Variants in IMPG1 observed in about 807,000 individuals in gnomAD.
IMPG1 encodes the protein interphotoreceptor matrix proteoglycan of 150 kDa.
Under a neutral mutation model 92.0 loss-of-function variants are expected in IMPG1, and 85 were observed. That is an observed-to-expected ratio of 0.92 (90% confidence interval 0.78 to 1.11). The LOEUF is 1.11. Ranked by LOEUF, IMPG1 falls within the 50% of genes least tolerant of loss-of-function variation. The probability of loss-of-function intolerance (pLI) is 0.00; values close to 1 mark genes in which losing one functional copy is unlikely to be tolerated. For synonymous variants in IMPG1, 367 were observed against 334.1 expected (o/e 1.10, Z -1.08); for missense variants, 1,022 against 956.0 (o/e 1.07, Z -0.91).
chr6:76,039,523 T>G (rs1783798555), intron 2 of IMPG1, among the ~76,000 whole-genome samples: 1 of 152,064 alleles, frequency 6.6e-6, no homozygotes, highest in African/African-American at 2.4e-5. Flanking sequence ...GCCCAGCTAA[T>G]TTTTGTATTT....
intron 1 of IMPG1, among the ~76,000 whole-genome samples, chr6:76,051,657 G>A (rs1214386155): frequency 6.6e-6 from 1 of 152,120 alleles, no homozygotes; most frequent in Non-Finnish European, 1.5e-5. Flanking sequence ...AATGCATGGG[G>A]TGGATGTTAT....
intron 12 of IMPG1, among the ~76,000 whole-genome samples, chr6:75,963,760 C>A (rs1417195610): frequency 1.3e-5 from 2 of 152,164 alleles, no homozygotes; most frequent in Non-Finnish European, 2.9e-5. Flanking sequence ...AAAATAACAG[C>A]CCTCATTTCC....
At chr6:76,019,904 G>T (rs1016867717) in intron 6 of IMPG1, among the ~76,000 whole-genome samples, 1 of 152,090 alleles carries the variant, frequency 6.6e-6, no homozygotes, top group Non-Finnish European at 1.5e-5. Context: ...TGGGACAGAG[G>T]GGTTGTGAGA....
At chr6:76,011,095 G>A (rs1343207642) in intron 8 of IMPG1, 71 bp downstream of exon 8, 10 of 837,028 alleles carry the variant, frequency 1.2e-5, no homozygotes, top group Non-Finnish European at 2.0e-5. Context: ...TAATCCTTAT[G>A]GCATTGTTTT....
intron 14 of IMPG1, among the ~76,000 whole-genome samples, chr6:75,939,978 AC>A (rs1781811063): frequency 6.6e-6 from 1 of 152,134 alleles, no homozygotes; most frequent in African/African-American, 2.4e-5. Context: ...TGACCTTTGA[AC>A]TGTCCACTTA....
chr6:76,044,272 A>G (rs78706612), intron 1 of IMPG1, among the ~76,000 whole-genome samples: 1,637 of 152,322 alleles, frequency 0.011, 35 homozygotes, highest in African/African-American at 0.038. Flanking sequence ...TATAGATTGC[A>G]ATAAACTTGT....
At chr6:76,001,164 C>T (rs1782981709) in intron 12 of IMPG1, among the ~76,000 whole-genome samples, 1 of 152,070 alleles carries the variant, frequency 6.6e-6, no homozygotes, top group Non-Finnish European at 1.5e-5. Context: ...AACAGTAAGG[C>T]AATTTGGAAA....
intron 7 of IMPG1, among the ~76,000 whole-genome samples, chr6:76,014,311 C>A (rs1410717840): frequency 6.6e-6 from 1 of 152,190 alleles, no homozygotes; most frequent in Non-Finnish European, 1.5e-5. Flanking sequence ...AAGAGCAGAG[C>A]AAGTCTTTAG....
At chr6:75,991,396 T>TA (rs112523017) in intron 12 of IMPG1, among the ~76,000 whole-genome samples, 5,969 of 127,580 alleles carry the variant, frequency 0.047, 341 homozygotes, top group African/African-American at 0.15. Flanking sequence ...GCCTTGGAAA[T>TA]AAAAAAAAAA....
intron 4 of IMPG1, among the ~76,000 whole-genome samples, chr6:76,028,763 G>A (rs1562376183): frequency 6.6e-6 from 1 of 152,226 alleles, no homozygotes; most frequent in East Asian, 1.9e-4. Context: ...AACTTGCAGT[G>A]AGCCAAGATC....
chr6:76,024,188 T>C (rs888618862), intron 5 of IMPG1, among the ~76,000 whole-genome samples: 2 of 152,178 alleles, frequency 1.3e-5, no homozygotes, highest in African/African-American at 2.4e-5. Flanking sequence ...AATTGAAATA[T>C]AGGCACAGCC....
chr6:75,949,456 A>C (rs1428072932), intron 13 of IMPG1, among the ~76,000 whole-genome samples: 1 of 152,186 alleles, frequency 6.6e-6, no homozygotes, highest in African/African-American at 2.4e-5. Flanking sequence ...GGCATGAATA[A>C]TCCACCCTTT....
chr6:76,062,710 A>G (rs1784227041), intron 1 of IMPG1, among the ~76,000 whole-genome samples: 1 of 152,212 alleles, frequency 6.6e-6, no homozygotes, highest in Non-Finnish European at 1.5e-5. Context: ...CATGGTGGTT[A>G]ATTGGTTACA....
chr6:76,049,668 G>T (rs1784003996), intron 1 of IMPG1, among the ~76,000 whole-genome samples: 1 of 152,196 alleles, frequency 6.6e-6, no homozygotes, highest in African/African-American at 2.4e-5. Flanking sequence ...TGTTGATAGG[G>T]GTGGTGGTGA....
chr6:76,064,928 T>C (rs974599437), intron 1 of IMPG1, among the ~76,000 whole-genome samples: 2 of 152,194 alleles, frequency 1.3e-5, no homozygotes, highest in East Asian at 3.9e-4. Flanking sequence ...ATGAACTTGC[T>C]CACATGCCTA....
chr6:76,010,013 AG>A (rs1783156620), intron 8 of IMPG1, among the ~76,000 whole-genome samples: 1 of 152,252 alleles, frequency 6.6e-6, no homozygotes, highest in African/African-American at 2.4e-5. Context: ...ACTACCGAGC[AG>A]CATCTTGAAA....
chr6:75,922,196 G>A (rs1313579670), intron 16 of IMPG1, 30 bp from the exon 17 acceptor site: 1 of 945,906 alleles, frequency 1.1e-6, no homozygotes, highest in African/African-American at 1.6e-5. Context: ...AAGAACTTAA[G>A]AAATGCCACC....
intron 16 of IMPG1, 90 bp downstream of exon 16, chr6:75,923,544 C>CTATT: frequency 1.4e-6 from 1 of 697,604 alleles, no homozygotes. Context: ...TTGCTTATCT[C>CTATT]TATTTAAAAT....
intron 12 of IMPG1, among the ~76,000 whole-genome samples, chr6:76,002,491 A>C (rs188547702): frequency 2.6e-4 from 40 of 152,386 alleles, no homozygotes; most frequent in Admixed American, 2.6e-3. Context: ...TAAAAGGCAC[A>C]GGAATACATA....
Sources: gnomAD v4.1 joint callset for allele counts (sites outside exome capture counted in the v4.1 genomes callset) on GRCh38, gnomAD v4.1.1 for gene constraint, MANE v1.5 for transcripts, NCBI Gene and HGNC (gene_info 2026-07-23, HGNC 2026-07-21) for gene names.